Variants in DOCK3 observed in about 807,000 individuals in gnomAD.
The protein encoded by DOCK3 is dedicator of cytokinesis 3, also known as dedicator of cytokinesis protein 3.
Under a neutral mutation model 265.6 loss-of-function variants are expected in DOCK3, and 60 were observed. That is an observed-to-expected ratio of 0.23 (90% CI 0.18 to 0.28). The LOEUF is 0.28. DOCK3 is among the 10% of genes least tolerant of loss of function. The pLI, the probability that DOCK3 is intolerant of heterozygous loss-of-function variation, is 1.00. For synonymous variants in DOCK3, 881 were observed against 938.0 expected (o/e 0.94, Z 1.11); for missense variants, 1,981 against 2,594.3 (o/e 0.76, Z 5.14).
At chr3:50,861,731 T>C (rs538604308) in intron 3 of DOCK3, among the ~76,000 whole-genome samples, 3 of 152,068 alleles carry the variant, frequency 2.0e-5, no homozygotes, top group South Asian at 2.1e-4. Flanking sequence ...TTTTATCTCA[T>C]AGAATAAGAG....
At chr3:51,336,641 T>G (rs1229052316) in intron 35 of DOCK3, among the ~76,000 whole-genome samples, 1 of 152,116 alleles carries the variant, frequency 6.6e-6, no homozygotes, top group East Asian at 1.9e-4. Context: ...GCATCCACCA[T>G]GAAGTAGCCA....
intron 49 of DOCK3, among the ~76,000 whole-genome samples, chr3:51,373,001 C>A (rs898290788): frequency 2.0e-5 from 3 of 152,162 alleles, no homozygotes; most frequent in African/African-American, 7.2e-5. Context: ...TTTTTAATGA[C>A]TGGGTCTTAA....
intron 39 of DOCK3, 53 bp from the exon 40 acceptor site, chr3:51,350,235 C>T (rs1469419790): frequency 6.5e-7 from 1 of 1,529,456 alleles, no homozygotes; most frequent in Non-Finnish European, 8.8e-7. Context: ...GGGAGAACTT[C>T]CTTTGGATAC....
At chr3:51,056,733 G>A (rs1221897822) in intron 5 of DOCK3, among the ~76,000 whole-genome samples, 1 of 152,020 alleles carries the variant, frequency 6.6e-6, no homozygotes, top group Non-Finnish European at 1.5e-5. Flanking sequence ...TGGGAGTTTT[G>A]AATAAACTCA....
chr3:50,764,543 A>G (rs139511401), intron 1 of DOCK3, among the ~76,000 whole-genome samples: 169 of 152,336 alleles, frequency 1.1e-3, no homozygotes, highest in Middle Eastern at 3.4e-3. Flanking sequence ...ACCATCCTGT[A>G]TGAACACTGA....
intron 49 of DOCK3, among the ~76,000 whole-genome samples, chr3:51,372,343 C>G (rs1417183144): frequency 2.6e-5 from 4 of 152,190 alleles, no homozygotes; most frequent in East Asian, 3.8e-4. Flanking sequence ...ATTGGCTGCC[C>G]AGGGCAGAGG....
At chr3:50,699,405 G>A (rs2035878565) in intron 1 of DOCK3, among the ~76,000 whole-genome samples, 1 of 150,218 alleles carries the variant, frequency 6.7e-6, no homozygotes, top group Admixed American at 6.6e-5. Flanking sequence ...GATTCCATGT[G>A]TATTTTCAGA....
chr3:50,868,901 GTTTTTTTTTTT>G (rs147898866), intron 3 of DOCK3, among the ~76,000 whole-genome samples: 7 of 14,294 alleles, frequency 4.9e-4, no homozygotes, highest in South Asian at 2.7e-3. Context: ...TGGATAATCT[GTTTTTTTTTTT>G]TTTTTTTTTT....
intron 12 of DOCK3, among the ~76,000 whole-genome samples, chr3:51,207,231 A>G (rs1282813347): frequency 6.6e-6 from 1 of 152,110 alleles, no homozygotes; most frequent in Non-Finnish European, 1.5e-5. Context: ...AATGAATTGT[A>G]TGTGTTGGGT....
intron 5 of DOCK3, among the ~76,000 whole-genome samples, chr3:51,001,858 A>G (rs367638713): frequency 7.9e-5 from 12 of 152,006 alleles, no homozygotes; most frequent in African/African-American, 2.9e-4. Context: ...GTCTCTCACT[A>G]TTGTTTTAAT....
chr3:50,715,623 G>T (rs2037058233), intron 1 of DOCK3, among the ~76,000 whole-genome samples: 1 of 152,086 alleles, frequency 6.6e-6, no homozygotes, highest in Admixed American at 6.6e-5. Context: ...ATGAGGGGAA[G>T]GGCATTTTGG....
intron 2 of DOCK3, among the ~76,000 whole-genome samples, chr3:50,795,214 A>G (rs1047749338): frequency 6.6e-6 from 1 of 151,964 alleles, no homozygotes; most frequent in Non-Finnish European, 1.5e-5. Context: ...TATCTTGGAG[A>G]TGATCTTCTT....
chr3:51,358,119 G>A (rs1181109426), intron 46 of DOCK3, 42 bp downstream of exon 46: 2 of 1,593,690 alleles, frequency 1.3e-6, no homozygotes, highest in Non-Finnish European at 1.7e-6. Context: ...GTAGAACCAG[G>A]TGTCACTTCC....
intron 9 of DOCK3, among the ~76,000 whole-genome samples, chr3:51,099,022 GT>G (rs1462079332): frequency 2.0e-5 from 3 of 152,190 alleles, no homozygotes; most frequent in Non-Finnish European, 4.4e-5. Context: ...ACAAATGGAT[GT>G]TTAAGTGAAA....
intron 4 of DOCK3, among the ~76,000 whole-genome samples, chr3:50,901,430 T>C (rs1158978738): frequency 6.6e-6 from 1 of 151,860 alleles, no homozygotes; most frequent in Non-Finnish European, 1.5e-5. Flanking sequence ...TGAGATCCAC[T>C]GAGCTAGACC....
chr3:51,311,650 A>G (rs756368562), intron 28 of DOCK3, among the ~76,000 whole-genome samples: 2 of 152,134 alleles, frequency 1.3e-5, no homozygotes, highest in Non-Finnish European at 2.9e-5. Context: ...TACTAGAACT[A>G]CTCTGAACTG....
At chr3:50,894,763 C>T (rs1195705282) in intron 4 of DOCK3, among the ~76,000 whole-genome samples, 2 of 151,906 alleles carry the variant, frequency 1.3e-5, no homozygotes, top group Non-Finnish European at 2.9e-5. Flanking sequence ...TTTTTTTTTA[C>T]AGCATGCAAA....
intron 27 of DOCK3, among the ~76,000 whole-genome samples, chr3:51,284,167 A>G (rs2081288478): frequency 6.6e-6 from 1 of 152,066 alleles, no homozygotes; most frequent in Admixed American, 6.6e-5. Context: ...TACAGCTTCT[A>G]CCCGAAGGAC....
intron 4 of DOCK3, among the ~76,000 whole-genome samples, chr3:50,929,720 T>G (rs539597899): frequency 7.1e-4 from 108 of 152,336 alleles, no homozygotes; most frequent in African/African-American, 2.5e-3. Flanking sequence ...CTATAATTGC[T>G]GTGTCTTTGG....
Sources: allele counts gnomAD v4.1 joint callset (sites outside exome capture counted in the v4.1 genomes callset), GRCh38; gene constraint gnomAD v4.1.1; transcripts MANE v1.5; gene names NCBI Gene and HGNC (gene_info 2026-07-23, HGNC 2026-07-21).